The following SCAMP1 variants were observed in gnomAD, a reference collection of about 807,000 sequenced individuals.
SCAMP1 encodes the protein secretory carrier membrane protein 1.
In SCAMP1, 15 loss-of-function variants were observed where a neutral mutation model predicts 41.8. The observed-to-expected ratio is 0.36, with a 90% CI of 0.24 to 0.55. SCAMP1 has a LOEUF of 0.55. Ranked by LOEUF, SCAMP1 falls within the 20% of genes least tolerant of loss-of-function variation. The pLI, the probability that SCAMP1 is intolerant of heterozygous loss-of-function variation, is 0.86. For synonymous variants in SCAMP1, 135 were observed against 136.8 expected (o/e 0.99, Z 0.09); for missense variants, 341 against 412.6 (o/e 0.83, Z 1.50).
chr5:78,424,983 G>C (rs1752430923), intron 6 of SCAMP1, among the ~76,000 whole-genome samples: 2 of 152,190 alleles, frequency 1.3e-5, no homozygotes, highest in South Asian at 4.1e-4. Flanking sequence ...AGTTTGTTAG[G>C]TTTAAATGAG....
At chr5:78,407,627 GTT>G (rs66524275) in intron 2 of SCAMP1, among the ~76,000 whole-genome samples, 27,738 of 145,904 alleles carry the variant, frequency 0.19, 3,148 homozygotes, top group Admixed American at 0.34. Context: ...CCCTTATCCT[GTT>G]TTTTTTTTTT....
At chr5:78,431,254 C>T (rs1752613544) in intron 6 of SCAMP1, among the ~76,000 whole-genome samples, 1 of 149,384 alleles carries the variant, frequency 6.7e-6, no homozygotes, top group Admixed American at 6.7e-5. Flanking sequence ...TAAAATGCTT[C>T]AAAATATTCA....
chr5:78,389,666 G>A (rs1751437767), intron 2 of SCAMP1, among the ~76,000 whole-genome samples: 2 of 152,010 alleles, frequency 1.3e-5, no homozygotes, highest in African/African-American at 4.8e-5. Flanking sequence ...AGCATCTAGG[G>A]GACTTTATTA....
chr5:78,391,741 C>A lies in SCAMP1; in HGVS notation c.135+2827C>A, dbSNP rs528003878. On this transcript the variant is annotated intron_variant, in intron 2 of 8. Coordinates refer to ENST00000621999, the MANE Select transcript of SCAMP1 (RefSeq NM_004866.6). ...CATTGAGCACTGAGTGAACCAGACT[C>A]TGTCTGCAATCCCGGCACCTCAGAA... 7.2e-3 allele frequency among the ~76,000 whole-genome samples: 1,101 copies of A among 152,338 alleles called. 14 individuals are homozygous for A. Among genetic ancestry groups the A allele is most frequent in the Non-Finnish European group, 0.011 (755 of 68,022 alleles).
At chr5:78,457,673 C>T (rs867802865) in intron 7 of SCAMP1, 1 of 154,168 alleles carries the variant, frequency 6.5e-6, no homozygotes, top group African/African-American at 2.4e-5. Flanking sequence ...GTGGAGCCTT[C>T]AGAGGCAGGC....
chr5:78,423,684 T>TCC (rs1554044136), intron 6 of SCAMP1, among the ~76,000 whole-genome samples: 13 of 151,550 alleles, frequency 8.6e-5, no homozygotes, highest in South Asian at 2.1e-4. Context: ...CTTTTTTTTT[T>TCC]CCCCCATTTT....
Position 78,476,458 on chromosome 5 carries a change from A to G in SCAMP1, c.*790A>G, listed in dbSNP as rs1247705602. ...ATCCAAAAGAGAAGGTAGTTAATGCAGTAGAAAGTAGTGGTAATAATTCCT... is the reference window on the plus strand; with the variant it reads ...ATCCAAAAGAGAAGGTAGTTAATGCGGTAGAAAGTAGTGGTAATAATTCCT... On this transcript the variant is annotated 3_prime_UTR_variant, in exon 9 of 9. Coordinates refer to ENST00000621999, the MANE Select transcript of SCAMP1 (RefSeq NM_004866.6). 7 of 152,640 alleles carry G rather than the reference A, an allele frequency of 4.6e-5. No homozygotes were observed. Among genetic ancestry groups the G allele is most frequent in the Admixed American group, 4.6e-4 (7 of 15,274 alleles). 9.5% of individuals were successfully genotyped at this position (152,640 alleles called of 1,614,324 possible).
At chr5:78,367,193 A>T (rs1750819755) in intron 1 of SCAMP1, among the ~76,000 whole-genome samples, 1 of 152,178 alleles carries the variant, frequency 6.6e-6, no homozygotes, top group Non-Finnish European at 1.5e-5. Flanking sequence ...TATTTCATCA[A>T]CTTAAGATGC....
intron 8 of SCAMP1, among the ~76,000 whole-genome samples, chr5:78,471,016 A>G (rs1753871953): frequency 6.6e-6 from 1 of 152,202 alleles, no homozygotes; most frequent in Non-Finnish European, 1.5e-5. Context: ...AATCCTCAGC[A>G]GGTAGTAATA....
intron 7 of SCAMP1, among the ~76,000 whole-genome samples, chr5:78,458,178 G>C (rs1753482389): frequency 6.6e-6 from 1 of 152,122 alleles, no homozygotes; most frequent in African/African-American, 2.4e-5. Context: ...GTAGACCGGA[G>C]CTGTTCCTAT....
intron 6 of SCAMP1, among the ~76,000 whole-genome samples, chr5:78,423,940 G>A (rs1752402874): frequency 6.6e-6 from 1 of 151,944 alleles, no homozygotes; most frequent in African/African-American, 2.4e-5. Context: ...TGCCTCCTGG[G>A]TTCAAGCAGT....
intron 1 of SCAMP1, among the ~76,000 whole-genome samples, chr5:78,377,576 T>A (rs970541220): frequency 6.6e-6 from 1 of 152,222 alleles, no homozygotes; most frequent in Non-Finnish European, 1.5e-5. Context: ...TAGGGTCACG[T>A]GACACAAAGA....
At chr5:78,421,362 A>G (rs1049773802) in intron 5 of SCAMP1, among the ~76,000 whole-genome samples, 2 of 152,216 alleles carry the variant, frequency 1.3e-5, no homozygotes, top group Non-Finnish European at 2.9e-5. Flanking sequence ...TTGCTACTGT[A>G]TTAGTATTTT....
chr5:78,382,678 G>T (rs1420731393), intron 1 of SCAMP1, among the ~76,000 whole-genome samples: 1 of 151,964 alleles, frequency 6.6e-6, no homozygotes, highest in African/African-American at 2.4e-5. Flanking sequence ...TGGTTTTCCA[G>T]TCCTCAGTTA....
At chr5:78,366,149 CT>C (rs1230753119) in intron 1 of SCAMP1, among the ~76,000 whole-genome samples, 1 of 146,314 alleles carries the variant, frequency 6.8e-6, no homozygotes, top group East Asian at 2.0e-4. Context: ...CTTTTCTTTT[CT>C]TTTTTTTTTT....
rs370141511 is a variant in SCAMP1, at chr5:78,421,814, A to G, written c.486A>G (p.Thr162=). The G allele has an allele frequency of 3.3e-5, 53 of 1,613,582 alleles. No homozygotes were observed. The African/African-American group carries it at 5.2e-4, about 16-fold the overall frequency. Residue 162 remains threonine (T), a synonymous_variant, in exon 6 of 9, where the codon ACA becomes ACG. Coordinates refer to ENST00000621999, the MANE Select transcript of SCAMP1 (RefSeq NM_004866.6). ...MYYLWMFHAV[T]LFLNIFGCLA... Reference sequence around the variant, plus strand: ...CTGATTCCACAGTCCATGCAGTAACACTGTTTCTAAATATCTTCGGATGCT... The same window carrying G: ...CTGATTCCACAGTCCATGCAGTAACGCTGTTTCTAAATATCTTCGGATGCT...
rs1467401015 is a variant in SCAMP1, at chr5:78,475,806, C to G, written c.*138C>G. The G allele has an allele frequency of 1.8e-5, 10 of 570,282 alleles. No homozygotes were observed. Among genetic ancestry groups the G allele is most frequent in the Non-Finnish European group, 2.6e-5 (10 of 381,472 alleles). The allele number at this position is 570,282 out of a possible 1,614,324, so 35.3% of individuals were successfully genotyped here. On this transcript the variant is annotated 3_prime_UTR_variant, in exon 9 of 9. Transcript: ENST00000621999. ...CTGTTCACTTGTGCATGGGCTAAAA[C>G]CAGGAAAACTTCCTTGTCTTATTAC...
intron 6 of SCAMP1, among the ~76,000 whole-genome samples, chr5:78,436,046 A>G (rs964253717): frequency 1.3e-5 from 2 of 152,072 alleles, no homozygotes; most frequent in Non-Finnish European, 1.5e-5. Context: ...GTCTGTCCAT[A>G]TCCTTTGCCC....
chr5:78,373,409 A>G (rs1412034482), intron 1 of SCAMP1, among the ~76,000 whole-genome samples: 2 of 152,162 alleles, frequency 1.3e-5, no homozygotes, highest in African/African-American at 2.4e-5. Flanking sequence ...ATATAAAACC[A>G]CAGAGACTGA....
Sources: allele counts gnomAD v4.1 joint callset (sites outside exome capture counted in the v4.1 genomes callset), GRCh38; gene constraint gnomAD v4.1.1; transcripts MANE v1.5; gene names NCBI Gene and HGNC (gene_info 2026-07-23, HGNC 2026-07-21).